MAP4K3: variants seen among roughly 807,000 people sequenced by gnomAD.
MAP4K3 encodes the protein MAPK/ERK kinase kinase kinase 3.
A neutral mutation model predicts 143.5 loss-of-function variants in MAP4K3; 94 were observed. The ratio of observed to expected loss-of-function variants is 0.65; its 90% CI spans 0.55 to 0.78. The LOEUF (loss-of-function observed/expected upper bound fraction) is 0.78. MAP4K3 is among the 30% of genes least tolerant of loss of function. MAP4K3 has a pLI of 0.00. For missense variants in MAP4K3, 1,077 were observed against 1,068.1 expected, an observed-to-expected ratio of 1.01 and a Z score of -0.12; for synonymous variants, 416 against 347.2, an observed-to-expected ratio of 1.20 and a Z score of -2.20.
chr2:39,434,558 C>T (rs1331065466), intron 1 of MAP4K3, among the ~76,000 whole-genome samples: 2 of 152,246 alleles, frequency 1.3e-5, no homozygotes, highest in Admixed American at 1.3e-4. Flanking sequence ...CAGAGTGTGG[C>T]TACAACTCAA....
chr2:39,278,376 A>T (rs1558617412), intron 24 of MAP4K3, 31 bp downstream of exon 24: 3 of 650,640 alleles, frequency 4.6e-6, no homozygotes, highest in Admixed American at 3.6e-5. Flanking sequence ...CTTAAAAATT[A>T]AAAAAAAAAA....
chr2:39,363,703 A>C (rs1053840720), intron 2 of MAP4K3, among the ~76,000 whole-genome samples: 8 of 150,224 alleles, frequency 5.3e-5, no homozygotes, highest in African/African-American at 1.9e-4. Flanking sequence ...CTATGGTTGA[A>C]TGGGTGATGG....
At chr2:39,334,617 G>C (rs1336498412) in intron 6 of MAP4K3, among the ~76,000 whole-genome samples, 1 of 152,076 alleles carries the variant, frequency 6.6e-6, no homozygotes. Context: ...TCTGTCAGAG[G>C]CTTCAGTTTG....
intron 1 of MAP4K3, among the ~76,000 whole-genome samples, chr2:39,401,178 C>G (rs1291011642): frequency 6.6e-6 from 1 of 152,030 alleles, no homozygotes. Context: ...ATTCGTAGGA[C>G]AGAGTACCAA....
chr2:39,272,722 A>G lies in MAP4K3; in HGVS notation c.1795-180T>C, dbSNP rs1317507381. ...AGATGATATATATACATACATATTT[A>G]TGTGAGAGAAAAAATAAATTAGGCT... On this transcript the variant is annotated intron_variant, in intron 24 of 33. Transcript: ENST00000263881. Among the ~76,000 whole-genome samples, 4 of 152,216 alleles carry G rather than the reference A, an allele frequency of 2.6e-5. No homozygotes were observed. In the East Asian group the frequency reaches 7.7e-4, roughly 29 times the overall value.
intron 1 of MAP4K3, among the ~76,000 whole-genome samples, chr2:39,407,970 T>C (rs1466780645): frequency 5.9e-5 from 9 of 152,266 alleles, no homozygotes; most frequent in Admixed American, 5.9e-4. Flanking sequence ...ACAGGATTTA[T>C]GGCAGGAAAG....
chr2:39,333,737 A>G (rs763589443), intron 6 of MAP4K3, among the ~76,000 whole-genome samples, 163 bp from the exon 7 acceptor site: 118 of 152,286 alleles, frequency 7.7e-4, no homozygotes, highest in Non-Finnish European at 1.9e-4. Flanking sequence ...AGGTAAATCT[A>G]CTGTCCACTT....
intron 2 of MAP4K3, among the ~76,000 whole-genome samples, chr2:39,368,450 T>C (rs1313864343): frequency 1.3e-5 from 2 of 152,044 alleles, no homozygotes; most frequent in East Asian, 3.9e-4. Context: ...GACAATCACT[T>C]GAGGCCAGGA....
intron 2 of MAP4K3, among the ~76,000 whole-genome samples, chr2:39,377,651 G>C (rs561400542): frequency 4.6e-5 from 7 of 152,252 alleles, no homozygotes; most frequent in African/African-American, 1.7e-4. Flanking sequence ...TCAGAGACAT[G>C]AAGCTATTTG....
At chr2:39,269,059 T>C (rs1388387732) in intron 26 of MAP4K3, among the ~76,000 whole-genome samples, 4 of 152,022 alleles carry the variant, frequency 2.6e-5, no homozygotes, top group Non-Finnish European at 5.9e-5. Flanking sequence ...CCACTTAAAC[T>C]TAAATGTGTA....
intron 1 of MAP4K3, among the ~76,000 whole-genome samples, chr2:39,409,650 C>T (rs977370199): frequency 1.3e-5 from 2 of 151,884 alleles, no homozygotes; most frequent in Admixed American, 6.6e-5. Flanking sequence ...GAACAGAAAT[C>T]GGAAGAGAAA....
intron 21 of MAP4K3, among the ~76,000 whole-genome samples, chr2:39,285,551 C>T (rs1681734109): frequency 6.6e-6 from 1 of 152,130 alleles, no homozygotes; most frequent in African/African-American, 2.4e-5. Context: ...TCCTAAATTT[C>T]AGAAATTACA....
intron 1 of MAP4K3, among the ~76,000 whole-genome samples, chr2:39,420,371 T>C (rs963568989): frequency 6.6e-6 from 1 of 152,236 alleles, no homozygotes; most frequent in African/African-American, 2.4e-5. Flanking sequence ...AATGTCACTA[T>C]TCAAAGGTAA....
chr2:39,365,016 A>T (rs1342022735), intron 2 of MAP4K3, among the ~76,000 whole-genome samples: 1 of 152,188 alleles, frequency 6.6e-6, no homozygotes, highest in Non-Finnish European at 1.5e-5. Context: ...AAAGACCTGG[A>T]AAGGAAAAAT....
At chr2:39,357,091 T>C (rs1665632660) in intron 2 of MAP4K3, among the ~76,000 whole-genome samples, 1 of 152,226 alleles carries the variant, frequency 6.6e-6, no homozygotes, top group South Asian at 2.1e-4. Context: ...GGTCAGACTA[T>C]TAGCAAATAA....
intron 28 of MAP4K3, among the ~76,000 whole-genome samples, chr2:39,261,864 A>C (rs889069933): frequency 6.6e-6 from 1 of 152,102 alleles, no homozygotes; most frequent in African/African-American, 2.4e-5. Context: ...AATTAGTTCT[A>C]ATGTTTAGGG....
intron 2 of MAP4K3, among the ~76,000 whole-genome samples, chr2:39,366,309 G>A (rs1665922249): frequency 6.6e-6 from 1 of 152,036 alleles, no homozygotes; most frequent in African/African-American, 2.4e-5. Flanking sequence ...CAGGTTAGAG[G>A]GAGATTTTAA....
chr2:39,281,159 A>T (rs2148465911), intron 22 of MAP4K3, among the ~76,000 whole-genome samples: 1 of 152,344 alleles, frequency 6.6e-6, no homozygotes, highest in Non-Finnish European at 1.5e-5. Flanking sequence ...TGGTCAGAGA[A>T]AATTTCAGTA....
At chr2:39,311,664 G>A (rs1419673764) in intron 13 of MAP4K3, among the ~76,000 whole-genome samples, 2 of 152,230 alleles carry the variant, frequency 1.3e-5, no homozygotes, top group East Asian at 3.8e-4. Flanking sequence ...GCAAGGAAGT[G>A]AAGCCTCTGG....
Sources: gnomAD v4.1 joint callset for allele counts (sites outside exome capture counted in the v4.1 genomes callset) on GRCh38, gnomAD v4.1.1 for gene constraint, MANE v1.5 for transcripts, NCBI Gene and HGNC (gene_info 2026-07-23, HGNC 2026-07-21) for gene names.